The following SLC38A8 variants were observed in gnomAD, a reference collection of about 807,000 sequenced individuals.
The protein encoded by SLC38A8 is amino acid transporter SLC38A8.
Under a neutral mutation model 46.0 loss-of-function variants are expected in SLC38A8, and 65 were observed. The ratio of observed to expected loss-of-function variants is 1.41; its 90% CI spans 1.16 to 1.74. SLC38A8 has a LOEUF of 1.74. SLC38A8 is among the 40% of genes most tolerant of loss of function. The probability of loss-of-function intolerance (pLI) is 0.00; values close to 1 mark genes in which losing one functional copy is unlikely to be tolerated. For synonymous variants in SLC38A8, 447 were observed against 243.7 expected (o/e 1.83, Z -7.77); for missense variants, 998 against 567.9 (o/e 1.76, Z -7.70).
chr16:84,014,020 C>T (rs1208751826), intron 9 of SLC38A8, among the ~76,000 whole-genome samples: 1 of 151,336 alleles, frequency 6.6e-6, no homozygotes, highest in African/African-American at 2.4e-5. Flanking sequence ...CTGAAAGCCC[C>T]GCCCAGAGCC....
intron 7 of SLC38A8, among the ~76,000 whole-genome samples, chr16:84,020,498 C>G (rs181610372): frequency 3.3e-5 from 5 of 152,292 alleles, no homozygotes; most frequent in Admixed American, 3.3e-4. Context: ...TTCTGTAGCT[C>G]TCGCTATCTG....
At chr16:84,016,773 C>T (rs747189959) in intron 8 of SLC38A8, 46 bp from the exon 9 acceptor site, 6 of 1,578,046 alleles carry the variant, frequency 3.8e-6, no homozygotes, top group Non-Finnish European at 5.2e-6. Flanking sequence ...TCAGGGGCAC[C>T]AGCCTCCACC....
chr16:84,025,027 C>A (rs2085145247), intron 6 of SLC38A8, among the ~76,000 whole-genome samples: 1 of 152,106 alleles, frequency 6.6e-6, no homozygotes. Flanking sequence ...GCCAAGAGCC[C>A]ATGAGTCATG....
chr16:84,037,687 G>C (rs1454091955), intron 2 of SLC38A8, among the ~76,000 whole-genome samples: 1 of 151,818 alleles, frequency 6.6e-6, no homozygotes, highest in South Asian at 2.1e-4. Context: ...CTTGAACCTG[G>C]GAGGCGGACG....
intron 7 of SLC38A8, among the ~76,000 whole-genome samples, chr16:84,021,936 T>G (rs932124778): frequency 6.6e-6 from 1 of 151,942 alleles, no homozygotes; most frequent in African/African-American, 2.4e-5. Flanking sequence ...TGAGCCCAGG[T>G]CTCTCTTCTT....
intron 4 of SLC38A8, among the ~76,000 whole-genome samples, chr16:84,032,919 G>T (rs972152358): frequency 1.1e-5 from 1 of 89,506 alleles, no homozygotes; most frequent in Admixed American, 1.1e-4. Flanking sequence ...AGCATGGGTG[G>T]GTGTGGGTAC....
intron 7 of SLC38A8, among the ~76,000 whole-genome samples, chr16:84,018,274 C>A (rs2085055742): frequency 6.9e-6 from 1 of 145,156 alleles, no homozygotes. Context: ...TCTCTGTCGC[C>A]CAGGCTGGAG....
rs138341912 is a variant in SLC38A8, at chr16:84,030,424, C to G, written c.633-873G>C. Among the ~76,000 whole-genome samples, 79 of 152,148 alleles carry G rather than the reference C, an allele frequency of 5.2e-4. 1 individual carries two copies. Among genetic ancestry groups the G allele is most frequent in the African/African-American group, 1.9e-3 (77 of 41,462 alleles). On this transcript the variant is annotated intron_variant, in intron 5 of 10. Transcript: ENST00000299709. ...GTGTACAGATCTCAGCACTCACAGC[C>G]TTCAATGCCATGTCTGGGCCAACGT...
intron 7 of SLC38A8, among the ~76,000 whole-genome samples, chr16:84,021,322 C>A (rs537624106): frequency 1.1e-4 from 16 of 152,324 alleles, no homozygotes; most frequent in African/African-American, 3.6e-4. Context: ...GCCTCGGCCT[C>A]CCAAAGTGCT....
chr16:84,041,966 T>G lies in SLC38A8; in HGVS notation c.189+3A>C. The G allele has an allele frequency of 6.3e-7, 1 of 1,583,760 alleles. No homozygotes were observed. The highest frequency in any genetic ancestry group is 8.6e-7 in the Non-Finnish European group (1 of 1,163,012). On this transcript the variant is annotated splice_donor_region_variant and intron_variant, in intron 2 of 10. Coordinates refer to ENST00000299709, the MANE Select transcript of SLC38A8 (RefSeq NM_001080442.3). ...CCCCAGGACTCACTTCCCGGGGACT[T>G]ACCAGCTCCACCAGGAAGGCAGGGA...
rs201786075 is a variant in SLC38A8 at position 84,016,521 on chromosome 16, G to A, written c.1160C>T (p.Pro387Leu). 3.1e-6 allele frequency: 5 copies of A among 1,613,672 alleles called. No individual in the cohort carries two copies. In the African/African-American group the frequency reaches 4.0e-5, roughly 13 times the overall value. ...GISSFFIFIFPGLCLICAMGV... is the reference protein window; with the variant it reads ...GISSFFIFIFLGLCLICAMGV... ...AGCCTGGAAAGCAGGGGCCTCACCT[G>A]GGAAGATGAAGATGAAGAAGGAACT... The change falls in exon 9 of 11, where the codon CCA (proline) becomes CTA (leucine). Residue 387 changes from proline to leucine, a missense_variant and splice_region_variant. By Grantham distance (98) the Pro-to-Leu change is moderately conservative. Coordinates refer to ENST00000299709, the MANE Select transcript of SLC38A8 (RefSeq NM_001080442.3).
intron 2 of SLC38A8, among the ~76,000 whole-genome samples, chr16:84,037,589 T>C (rs537893515): frequency 9.8e-4 from 148 of 151,192 alleles, no homozygotes; most frequent in African/African-American, 3.3e-3. Flanking sequence ...GGAGAAACCC[T>C]GTCCCTACTA....
rs369625047 is a variant in SLC38A8 at position 84,031,892 on chromosome 16, C to T, written c.607G>A (p.Val203Met). Residue 203 changes from valine (V) to methionine (M), a missense_variant, in exon 5 of 11, where the codon GTG (valine) becomes ATG (methionine). Physicochemically the swap from Val to Met is conservative, Grantham distance 21. Coordinates refer to ENST00000299709, the MANE Select transcript of SLC38A8 (RefSeq NM_001080442.3). Reference protein sequence around the residue: ...VQYYLWPQGLVRESHPSLSPA... With the variant: ...VQYYLWPQGLMRESHPSLSPA... ...CTCAGTGAAGGATGGGACTCACGCA[C>T]GAGGCCCTGGGGCCAGAGGTAGTAC... 3.5e-5 allele frequency: 56 copies of T among 1,614,024 alleles called. No individual in the cohort carries two copies. Among genetic ancestry groups the T allele is most frequent in the Non-Finnish European group, 4.4e-5 (52 of 1,180,016 alleles).
Position 84,036,756 on chromosome 16 carries a change from G to C in SLC38A8, c.334C>G (p.Leu112Val), listed in dbSNP as rs1202983662. The change falls in exon 3 of 11, where the codon CTG (leucine) becomes GTG (valine). Residue 112 changes from leucine (L) to valine (V), a missense_variant. Physicochemically the swap from Leu to Val is conservative, Grantham distance 32. Transcript: ENST00000299709. ...AGGAAGGCCACGGAGATCATGAGCA[G>C]GTTGAGGAGGAAGCAGGCCTCACAC... The part of the protein sequence containing the change: ...KLCEACFLLN[L>V]LMISVAFLRV... 9.3e-6 allele frequency: 15 copies of C among 1,614,106 alleles called. No individual in the cohort carries two copies. The highest frequency in any genetic ancestry group is 2.7e-5 in the African/African-American group (2 of 74,946).
intron 7 of SLC38A8, among the ~76,000 whole-genome samples, chr16:84,019,487 C>T (rs902816033): frequency 2.0e-5 from 3 of 152,218 alleles, no homozygotes; most frequent in Non-Finnish European, 2.9e-5. Context: ...GCGCTGCTCT[C>T]GACAGCTTCT....
rs757034002 is a variant in SLC38A8, at chr16:84,009,766, C to A, written c.*18G>T. 1.9e-6 allele frequency: 3 copies of A among 1,610,430 alleles called. No individual in the cohort carries two copies. The highest frequency in any genetic ancestry group is 1.7e-4 in the Middle Eastern group (1 of 6,058). The stretch of plus-strand genomic sequence containing the variant: ...TCAGCCCCCGGAGGGCCCCTTCCTG[C>A]CCGGCACTAGCTGCCCATCAGAACA... On this transcript the variant is annotated 3_prime_UTR_variant, in exon 11 of 11. Transcript: ENST00000299709.
At chr16:84,032,102 A>AC in intron 4 of SLC38A8, 134 bp from the exon 5 acceptor site, 1 of 741,166 alleles carries the variant, frequency 1.3e-6, no homozygotes, top group South Asian at 1.7e-5. Flanking sequence ...CCTCTGCCTC[A>AC]CCATCCTCAT....
intron 3 of SLC38A8, 30 bp downstream of exon 3, chr16:84,036,672 G>T: frequency 1.2e-6 from 2 of 1,612,766 alleles, no homozygotes; most frequent in Non-Finnish European, 1.7e-6. Context: ...CGGCACCCTG[G>T]GCCACCCCGA....
At chr16:84,038,364 A>C (rs527958124) in intron 2 of SLC38A8, among the ~76,000 whole-genome samples, 58 of 151,376 alleles carry the variant, frequency 3.8e-4, no homozygotes, top group Non-Finnish European at 8.1e-4. Context: ...TACAGTGAAC[A>C]CCCCTGTGGG....
Sources: allele counts gnomAD v4.1 joint callset (sites outside exome capture counted in the v4.1 genomes callset), GRCh38; gene constraint gnomAD v4.1.1; transcripts MANE v1.5; gene names NCBI Gene and HGNC (gene_info 2026-07-23, HGNC 2026-07-21).